TNFSF4: variants seen among roughly 807,000 people sequenced by gnomAD.
TNFSF4 encodes the protein TNF superfamily member 4, also known as tumor necrosis factor ligand superfamily member 4.
A neutral mutation model predicts 7.3 loss-of-function variants in TNFSF4; 4 were observed. That is an observed-to-expected ratio of 0.55 (90% CI 0.27 to 1.25). The LOEUF is 1.25. Ranked by LOEUF, TNFSF4 falls within the 50% of genes most tolerant of loss-of-function variation. TNFSF4 has a pLI of 0.12. For missense variants in TNFSF4, 181 were observed against 208.8 expected (o/e 0.87, Z 0.82); for synonymous variants, 76 against 83.7 (o/e 0.91, Z 0.50).
chr1:173,387,821 A>C, the TNFSF4 span, among the ~76,000 whole-genome samples: 1 of 152,218 alleles, frequency 6.6e-6, no homozygotes, highest in East Asian at 1.9e-4. Flanking sequence ...AACCTATTTC[A>C]TATTACTGAG....
the TNFSF4 span, among the ~76,000 whole-genome samples, chr1:173,378,670 G>C: frequency 6.6e-6 from 1 of 152,234 alleles, no homozygotes; most frequent in African/African-American, 2.4e-5. Context: ...GAGTGAAATA[G>C]CTTATGTCCA....
At chr1:173,349,822 T>C in the TNFSF4 span, among the ~76,000 whole-genome samples, 11 of 152,220 alleles carry the variant, frequency 7.2e-5, no homozygotes, top group African/African-American at 2.7e-4. Flanking sequence ...TACACATGTA[T>C]AAAAGGATGT....
the TNFSF4 span, among the ~76,000 whole-genome samples, chr1:173,219,827 C>T: frequency 3.3e-5 from 5 of 152,206 alleles, no homozygotes; most frequent in Admixed American, 6.5e-5. Flanking sequence ...TGTTCTTGCT[C>T]ATAAGTGGGA....
chr1:173,445,032 A>G, the TNFSF4 span, among the ~76,000 whole-genome samples: 1 of 152,212 alleles, frequency 6.6e-6, no homozygotes, highest in African/African-American at 2.4e-5. Flanking sequence ...TTCTACTTCA[A>G]AGAATAAAAG....
chr1:173,266,130 T>A, the TNFSF4 span, among the ~76,000 whole-genome samples: 1 of 152,110 alleles, frequency 6.6e-6, no homozygotes, highest in Non-Finnish European at 1.5e-5. Context: ...GATGGAGAGA[T>A]AATAACCAAT....
chr1:173,436,791 A>G, the TNFSF4 span, among the ~76,000 whole-genome samples: 3 of 152,124 alleles, frequency 2.0e-5, no homozygotes, highest in African/African-American at 7.2e-5. Context: ...GCCCTTAGAA[A>G]TCTAATGGGG....
At chr1:173,424,792 T>G in the TNFSF4 span, among the ~76,000 whole-genome samples, 2 of 152,330 alleles carry the variant, frequency 1.3e-5, no homozygotes, top group South Asian at 4.1e-4. Context: ...ATATGAAACT[T>G]TGAATTCCTA....
chr1:173,336,842 C>T, the TNFSF4 span, among the ~76,000 whole-genome samples: 4 of 151,748 alleles, frequency 2.6e-5, no homozygotes, highest in African/African-American at 7.3e-5. Context: ...GACATCGCTT[C>T]GAAAAGTAAA....
the TNFSF4 span, among the ~76,000 whole-genome samples, chr1:173,415,193 A>G: frequency 6.6e-6 from 1 of 152,202 alleles, no homozygotes; most frequent in East Asian, 1.9e-4. Context: ...TTTTTCACAG[A>G]TATCAGGATA....
chr1:173,423,553 A>T, the TNFSF4 span, among the ~76,000 whole-genome samples: 9 of 152,212 alleles, frequency 5.9e-5, no homozygotes, highest in Admixed American at 6.5e-5. Context: ...TAAAGGGGCA[A>T]CTGCAGTGGT....
the TNFSF4 span, among the ~76,000 whole-genome samples, chr1:173,404,336 C>T: frequency 1.3e-5 from 2 of 152,162 alleles, no homozygotes; most frequent in Non-Finnish European, 2.9e-5. Context: ...GTTATCAGGA[C>T]CCCCATGGAA....
chr1:173,349,692 T>G, the TNFSF4 span, among the ~76,000 whole-genome samples: 2 of 152,160 alleles, frequency 1.3e-5, no homozygotes, highest in Admixed American at 6.5e-5. Context: ...GGATGCTCAG[T>G]AAGATAAGAG....
chr1:173,238,301 G>A, the TNFSF4 span, among the ~76,000 whole-genome samples: 4 of 152,028 alleles, frequency 2.6e-5, no homozygotes, highest in Admixed American at 6.6e-5. Flanking sequence ...AAAAACCCTC[G>A]AAGATAACCT....
chr1:173,204,860 ATCTC>A (rs1206484245), intron 1 of TNFSF4, among the ~76,000 whole-genome samples: 1 of 149,698 alleles, frequency 6.7e-6, no homozygotes, highest in Non-Finnish European at 1.5e-5. Context: ...TTCTCTCTCA[ATCTC>A]TCTGTCTCTG....
At chr1:173,329,790 T>G in the TNFSF4 span, among the ~76,000 whole-genome samples, 1 of 151,840 alleles carries the variant, frequency 6.6e-6, no homozygotes, top group Non-Finnish European at 1.5e-5. Context: ...AGAAATATGG[T>G]TTTTTTTAAC....
intron 1 of TNFSF4, among the ~76,000 whole-genome samples, chr1:173,202,101 A>G (rs928811409): frequency 6.7e-6 from 1 of 150,186 alleles, no homozygotes; most frequent in Non-Finnish European, 1.5e-5. Context: ...ATATAAAAGA[A>G]GAAGAAGAAG....
the TNFSF4 span, among the ~76,000 whole-genome samples, chr1:173,424,008 G>T: frequency 2.6e-5 from 4 of 151,706 alleles, no homozygotes; most frequent in Admixed American, 6.6e-5. Context: ...GGGCAAAAAG[G>T]GGGGTGAATG....
chr1:173,326,345 T>A, the TNFSF4 span, among the ~76,000 whole-genome samples: 7 of 152,144 alleles, frequency 4.6e-5, no homozygotes, highest in Admixed American at 6.6e-5. Context: ...CTCAATAAAT[T>A]AGGTATTGAT....
chr1:173,398,057 T>C, the TNFSF4 span, among the ~76,000 whole-genome samples: 3 of 152,234 alleles, frequency 2.0e-5, no homozygotes, highest in Non-Finnish European at 4.4e-5. Flanking sequence ...AAATGCCTTA[T>C]TCTCCATATC....
Sources: allele counts gnomAD v4.1 joint callset (sites outside exome capture counted in the v4.1 genomes callset), GRCh38; gene constraint gnomAD v4.1.1; transcripts MANE v1.5; gene names NCBI Gene and HGNC (gene_info 2026-07-23, HGNC 2026-07-21).